CEP128: variants seen among roughly 807,000 people sequenced by gnomAD.
The protein encoded by CEP128 is centrosomal protein 128.
Under a neutral mutation model 156.7 loss-of-function variants are expected in CEP128, and 132 were observed. The observed-to-expected ratio is 0.84, with a 90% CI of 0.73 to 0.97. The LOEUF (loss-of-function observed/expected upper bound fraction) is 0.97, where lower values mean the gene tolerates loss of function less well. Ranked by LOEUF, CEP128 falls within the 50% of genes least tolerant of loss-of-function variation. The pLI, the probability that CEP128 is intolerant of heterozygous loss-of-function variation, is 0.00. For missense variants in CEP128, 1,252 were observed against 1,281.9 expected, an observed-to-expected ratio of 0.98 and a Z score of 0.36; for synonymous variants, 469 against 448.9, an observed-to-expected ratio of 1.04 and a Z score of -0.57.
chr14:80,520,112 A>G (rs1217889697), intron 23 of CEP128, among the ~76,000 whole-genome samples: 1 of 152,198 alleles, frequency 6.6e-6, no homozygotes, highest in Non-Finnish European at 1.5e-5. Context: ...CCAAATTGAT[A>G]GAACAATATT....
intron 6 of CEP128, among the ~76,000 whole-genome samples, 192 bp downstream of exon 6, chr14:80,904,621 G>C (rs868060074): frequency 3.8e-4 from 58 of 152,174 alleles, no homozygotes; most frequent in African/African-American, 1.3e-3. Context: ...ATACAACTAT[G>C]ATTTTTCAGC....
intron 20 of CEP128, among the ~76,000 whole-genome samples, chr14:80,561,901 T>TATATATATATAGACAA (rs1555375127): frequency 6.7e-6 from 1 of 149,724 alleles, no homozygotes; most frequent in African/African-American, 2.5e-5. Flanking sequence ...AAGGTCTATA[T>TATATATATATAGACAA]ATATATATAT....
chr14:80,678,641 A>T (rs1207786243), intron 19 of CEP128, among the ~76,000 whole-genome samples: 4 of 152,218 alleles, frequency 2.6e-5, no homozygotes, highest in Non-Finnish European at 5.9e-5. Flanking sequence ...TGAAGTGCCA[A>T]TACATGAAGA....
chr14:80,801,752 C>A (rs1298964068), intron 13 of CEP128, among the ~76,000 whole-genome samples: 1 of 151,248 alleles, frequency 6.6e-6, no homozygotes, highest in African/African-American at 2.4e-5. Context: ...ACTAAAAATA[C>A]AAAAAATTAG....
At chr14:80,689,146 T>C (rs563852374) in intron 19 of CEP128, among the ~76,000 whole-genome samples, 1 of 152,032 alleles carries the variant, frequency 6.6e-6, no homozygotes, top group South Asian at 2.1e-4. Context: ...AGATCAGGAA[T>C]TCAAGACCAG....
Position 80,904,851 on chromosome 14 carries a change from C to A in CEP128, c.442G>T (p.Gly148Cys), listed in dbSNP as rs781621549. ...TCAGTCTCTTGAACAAACCGGACACCAGTTCTTGATCTCATTCGTTTAATA... is the reference window on the plus strand; with the variant it reads ...TCAGTCTCTTGAACAAACCGGACACAAGTTCTTGATCTCATTCGTTTAATA... ...QGIKRMRSRT[G>C]VRFVQETDDM... The change falls in exon 6 of 25, where the codon GGT becomes TGT. Residue 148 changes from glycine (G) to cysteine (C), a missense_variant. By Grantham distance (159) the Gly-to-Cys change is radical. Transcript: ENST00000555265. The A allele has an allele frequency of 7.8e-5, 126 of 1,610,662 alleles. 1 individual carries two copies. The Admixed American group carries it at 2.1e-3, about 27-fold the overall frequency.
At chr14:80,505,845 A>G (rs751294316) in intron 23 of CEP128, among the ~76,000 whole-genome samples, 2 of 152,080 alleles carry the variant, frequency 1.3e-5, no homozygotes, top group Admixed American at 6.6e-5. Flanking sequence ...TCTTTCACTC[A>G]TTCATTCATT....
chr14:80,531,762 C>A (rs960504484), intron 21 of CEP128, among the ~76,000 whole-genome samples: 1 of 152,174 alleles, frequency 6.6e-6, no homozygotes, highest in African/African-American at 2.4e-5. Context: ...AGAACCTAGA[C>A]ATAAATTTGC....
intron 8 of CEP128, among the ~76,000 whole-genome samples, chr14:80,864,531 G>T (rs993048070): frequency 6.6e-6 from 1 of 151,800 alleles, no homozygotes; most frequent in African/African-American, 2.4e-5. Context: ...TGATGATACA[G>T]AGTTACTATA....
chr14:80,909,892 AAACAAAATTAAAT>A (rs1884111100), intron 4 of CEP128, among the ~76,000 whole-genome samples: 1 of 152,196 alleles, frequency 6.6e-6, no homozygotes, highest in Non-Finnish European at 1.5e-5. Context: ...ACGCCAAACC[AAACAAAATTAAAT>A]AAAAACAAAA....
At chr14:80,742,843 CT>C (rs1430647117) in intron 19 of CEP128, 1 of 488,400 alleles carries the variant, frequency 2.0e-6, no homozygotes, top group African/African-American at 2.0e-5. Context: ...CAATTAATTC[CT>C]GCACACAGCC....
intron 4 of CEP128, among the ~76,000 whole-genome samples, chr14:80,906,768 T>A (rs1402893065): frequency 6.6e-6 from 1 of 151,994 alleles, no homozygotes; most frequent in African/African-American, 2.4e-5. Flanking sequence ...GAGAATAATG[T>A]CCAGAGCTGT....
rs754768782 is a variant in CEP128 at position 80,678,040 on chromosome 14, TAAAA to T, written c.2806+65031_2806+65034del. 8.9e-3 allele frequency among the ~76,000 whole-genome samples: 287 copies of T among 32,284 alleles called. 4 individuals are homozygous for T. Among genetic ancestry groups the T allele is most frequent in the Non-Finnish European group, 0.011 (177 of 15,726 alleles). The allele number at this position is 32,284 out of a possible 152,430, so 21.2% of individuals were successfully genotyped here. On this transcript the variant is annotated intron_variant, in intron 19 of 24. Coordinates refer to ENST00000555265, the MANE Select transcript of CEP128 (RefSeq NM_152446.5). The stretch of plus-strand genomic sequence containing the variant: ...ACTTTCAACATGGACAGTTGCTCTA[TAAAA>T]AAAAAATATATATATATATGTATAT...
chr14:80,791,280 A>T (rs745481416), intron 14 of CEP128, among the ~76,000 whole-genome samples: 1 of 152,200 alleles, frequency 6.6e-6, no homozygotes, highest in Non-Finnish European at 1.5e-5. Context: ...GATAATTGTG[A>T]TACGACCCTA....
Position 80,559,316 on chromosome 14 carries a change from A to C in CEP128, c.2857-14T>G. On this transcript the variant is annotated splice_polypyrimidine_tract_variant and intron_variant, in intron 20 of 24. Transcript: ENST00000555265. ...AATTACACGGTCCTGCAAAGAAAGCATAATATATAATTATAAAACGAAGGC... is the reference window on the plus strand; with the variant it reads ...AATTACACGGTCCTGCAAAGAAAGCCTAATATATAATTATAAAACGAAGGC... 1 of 1,584,984 alleles carries C rather than the reference A, an allele frequency of 6.3e-7. No homozygotes were observed. The highest frequency in any genetic ancestry group is 8.6e-7 in the Non-Finnish European group (1 of 1,168,768).
intron 9 of CEP128, among the ~76,000 whole-genome samples, chr14:80,862,325 G>A (rs1190743507): frequency 6.6e-6 from 1 of 152,080 alleles, no homozygotes; most frequent in Admixed American, 6.5e-5. Context: ...ATAGACAATG[G>A]GCCAGCTTTG....
At chr14:80,486,950 G>C (rs1443725594), downstream of CEP128, among the ~76,000 whole-genome samples, 3 of 152,150 alleles carry the variant, frequency 2.0e-5, no homozygotes, top group Non-Finnish European at 4.4e-5. Flanking sequence ...ATCAAGGCTA[G>C]GAAGAAACTG....
chr14:80,556,955 A>T (rs565952975), intron 21 of CEP128, among the ~76,000 whole-genome samples: 1 of 152,308 alleles, frequency 6.6e-6, no homozygotes, highest in South Asian at 2.1e-4. Flanking sequence ...AAATCAAAGG[A>T]CTTCATAATA....
chr14:80,688,299 G>A (rs1303864693), intron 19 of CEP128, among the ~76,000 whole-genome samples: 2 of 152,092 alleles, frequency 1.3e-5, no homozygotes, highest in African/African-American at 2.4e-5. Context: ...TATGCTGACT[G>A]GTTTTTGTAG....
Sources: gnomAD v4.1 joint callset for allele counts (sites outside exome capture counted in the v4.1 genomes callset) on GRCh38, gnomAD v4.1.1 for gene constraint, MANE v1.5 for transcripts, NCBI Gene and HGNC (gene_info 2026-07-23, HGNC 2026-07-21) for gene names.